The following ATRNL1 variants were observed in gnomAD, a reference collection of about 807,000 sequenced individuals.
ATRNL1 encodes the protein attractin-like protein 1.
In ATRNL1, 95 loss-of-function variants were observed where a neutral mutation model predicts 182.7. That is an observed-to-expected ratio of 0.52 (90% CI 0.44 to 0.62). The LOEUF is 0.62. Ranked by LOEUF, ATRNL1 falls within the 20% of genes least tolerant of loss-of-function variation. The pLI is 0.00. For synonymous variants in ATRNL1, 576 were observed against 568.3 expected (o/e 1.01, Z -0.19); for missense variants, 1,471 against 1,679.5 (o/e 0.88, Z 2.17).
intron 19 of ATRNL1, among the ~76,000 whole-genome samples, chr10:115,369,608 T>G (rs1257441405): frequency 6.6e-6 from 1 of 152,150 alleles, no homozygotes; most frequent in African/African-American, 2.4e-5. Flanking sequence ...GATTTTTGGA[T>G]CATATGAAAG....
chr10:115,679,703 C>T (rs984462437), intron 26 of ATRNL1, among the ~76,000 whole-genome samples: 7 of 152,160 alleles, frequency 4.6e-5, no homozygotes, highest in Non-Finnish European at 1.0e-4. Context: ...TTAATCATAT[C>T]TTTGATACTG....
chr10:115,727,318 G>C lies in ATRNL1; in HGVS notation c.3866G>C (p.Gly1289Ala). Residue 1289 changes from glycine to alanine, a missense_variant, in exon 27 of 29, where the codon GGA becomes GCA. This residue lies in a region of ATRNL1 where 437 missense variants were observed against 506.0 expected (regional missense o/e 0.86). Transcript: ENST00000355044. Reference sequence around the variant, plus strand: ...TCTGTTGATGTAGCTCTGGAAGTGGGAGCTGAACAAACAGAGTTTCTGCGA... The same window carrying C: ...TCTGTTGATGTAGCTCTGGAAGTGGCAGCTGAACAAACAGAGTTTCTGCGA... ...FASVDVALEV[G>A]AEQTEFLRGP... is the part of the protein sequence containing the mutation. 1.9e-6 allele frequency: 3 copies of C among 1,614,114 alleles called. No individual in the cohort carries two copies. The highest frequency in any genetic ancestry group is 2.5e-6 in the Non-Finnish European group (3 of 1,179,990).
At chr10:115,699,784 G>A (rs1431260721) in intron 26 of ATRNL1, among the ~76,000 whole-genome samples, 4 of 152,068 alleles carry the variant, frequency 2.6e-5, no homozygotes, top group African/African-American at 9.7e-5. Context: ...CATTGACCCC[G>A]TCATCGAAGT....
intron 19 of ATRNL1, among the ~76,000 whole-genome samples, chr10:115,389,133 T>G (rs1436197889): frequency 5.3e-5 from 8 of 152,170 alleles, no homozygotes; most frequent in African/African-American, 1.9e-4. Flanking sequence ...ATTTTTTAGA[T>G]CCCACATATA....
At chr10:115,662,664 C>T (rs1860766970) in intron 26 of ATRNL1, among the ~76,000 whole-genome samples, 1 of 151,912 alleles carries the variant, frequency 6.6e-6, no homozygotes, top group African/African-American at 2.4e-5. Context: ...TATGATATCC[C>T]TCATAATAGA....
chr10:115,202,598 G>C (rs1848628747), intron 8 of ATRNL1, among the ~76,000 whole-genome samples: 1 of 150,504 alleles, frequency 6.6e-6, no homozygotes, highest in Non-Finnish European at 1.5e-5. Flanking sequence ...GATCATGGTG[G>C]ATAAGCTTTT....
At chr10:115,335,797 G>C (rs1165481623) in intron 19 of ATRNL1, among the ~76,000 whole-genome samples, 1 of 152,028 alleles carries the variant, frequency 6.6e-6, no homozygotes, top group Non-Finnish European at 1.5e-5. Flanking sequence ...AAGTATACTT[G>C]GTGCATGGCA....
chr10:115,620,240 T>G (rs1228826124), intron 26 of ATRNL1, among the ~76,000 whole-genome samples: 1 of 152,112 alleles, frequency 6.6e-6, no homozygotes, highest in African/African-American at 2.4e-5. Flanking sequence ...GGTCTCAGAC[T>G]CTTTTCAAGA....
chr10:115,461,487 T>C (rs1847794622), intron 21 of ATRNL1, among the ~76,000 whole-genome samples: 1 of 152,074 alleles, frequency 6.6e-6, no homozygotes, highest in Non-Finnish European at 1.5e-5. Context: ...GAAATATTAT[T>C]TAGCTATCAA....
At chr10:115,779,136 A>G (rs1555078637) in intron 27 of ATRNL1, among the ~76,000 whole-genome samples, 1 of 152,186 alleles carries the variant, frequency 6.6e-6, no homozygotes, top group African/African-American at 2.4e-5. Flanking sequence ...ATGGAAGCAG[A>G]AGCACTTAAA....
chr10:115,124,478 A>C (rs553688201), intron 3 of ATRNL1, among the ~76,000 whole-genome samples: 488 of 152,222 alleles, frequency 3.2e-3, no homozygotes, highest in Non-Finnish European at 5.0e-3. Context: ...ACCAACAGGG[A>C]AGCTCATCTG....
rs554640335 is a variant in ATRNL1, at chr10:115,264,800, T to G, written c.1688-393T>G. On this transcript the variant is annotated intron_variant, in intron 10 of 28. Transcript: ENST00000355044. ...ATTGTATCTGCCATTGACTTTTGTATGCATACATGTCATATTTGATTTAGT... is the reference window on the plus strand; with the variant it reads ...ATTGTATCTGCCATTGACTTTTGTAGGCATACATGTCATATTTGATTTAGT... Among the ~76,000 whole-genome samples, 7 of 151,836 alleles carry G rather than the reference T, an allele frequency of 4.6e-5. No homozygotes were observed. In the South Asian group the frequency reaches 1.2e-3, roughly 27 times the overall value.
intron 27 of ATRNL1, among the ~76,000 whole-genome samples, chr10:115,755,338 C>T (rs1002001685): frequency 2.0e-5 from 3 of 152,030 alleles, no homozygotes; most frequent in Admixed American, 6.6e-5. Flanking sequence ...TTTTGAGATA[C>T]GTTCCATCAA....
chr10:115,163,355 T>C (rs1385672123), intron 6 of ATRNL1, among the ~76,000 whole-genome samples: 1 of 151,662 alleles, frequency 6.6e-6, no homozygotes, highest in Admixed American at 6.6e-5. Flanking sequence ...TCTTTTATTT[T>C]CTTGTTTTAT....
rs895011038 is a variant in ATRNL1, at chr10:115,644,258, G to C, written c.3796-82990G>C. On this transcript the variant is annotated intron_variant, in intron 26 of 28. Coordinates refer to ENST00000355044, the MANE Select transcript of ATRNL1 (RefSeq NM_207303.4). ...CCCAGCAGCCTGAACCAATCACATT[G>C]AGCTTGTTTTGTGTTACAGAAAAAC... 3.9e-5 allele frequency among the ~76,000 whole-genome samples: 6 copies of C among 152,088 alleles called. No homozygotes were observed. The South Asian group carries it at 1.0e-3, about 26-fold the overall frequency.
intron 26 of ATRNL1, among the ~76,000 whole-genome samples, chr10:115,613,435 TTC>T (rs1182698547): frequency 6.6e-6 from 1 of 152,206 alleles, no homozygotes; most frequent in Admixed American, 6.5e-5. Context: ...TTGCTAGTAT[TTC>T]TGTTGATTTT....
chr10:115,754,524 T>C (rs1948534097), intron 27 of ATRNL1, among the ~76,000 whole-genome samples: 1 of 152,180 alleles, frequency 6.6e-6, no homozygotes, highest in South Asian at 2.1e-4. Flanking sequence ...TTCTGTTACA[T>C]TGGTTTATAT....
chr10:115,910,117 G>A (rs1362434809), intron 28 of ATRNL1, among the ~76,000 whole-genome samples: 2 of 152,044 alleles, frequency 1.3e-5, no homozygotes, highest in African/African-American at 4.8e-5. Flanking sequence ...TGGTAAGAAA[G>A]CAACTGAAAC....
intron 26 of ATRNL1, among the ~76,000 whole-genome samples, chr10:115,671,354 A>T (rs2133928596): frequency 6.6e-6 from 1 of 152,282 alleles, no homozygotes; most frequent in Non-Finnish European, 1.5e-5. Flanking sequence ...AGAGAAGAAA[A>T]GAAAAAGTAA....
Sources: allele counts gnomAD v4.1 joint callset (sites outside exome capture counted in the v4.1 genomes callset), GRCh38; gene constraint gnomAD v4.1.1; regional missense constraint gnomAD v4.1.1; transcripts MANE v1.5; gene names NCBI Gene and HGNC (gene_info 2026-07-23, HGNC 2026-07-21).